ANKDD1A: variants seen among roughly 807,000 people sequenced by gnomAD.
The protein encoded by ANKDD1A is ankyrin repeat and death domain-containing protein 1A.
A neutral mutation model predicts 63.5 loss-of-function variants in ANKDD1A; 59 were observed. That is an observed-to-expected ratio of 0.93 (90% CI 0.75 to 1.15). The LOEUF is 1.15. Among genes scored for constraint, ANKDD1A ranks in the 50% most tolerant of loss-of-function variants. The probability of loss-of-function intolerance (pLI) is 0.00; values close to 1 mark genes in which losing one functional copy is unlikely to be tolerated. For missense variants in ANKDD1A, 632 were observed against 656.4 expected, an observed-to-expected ratio of 0.96 and a Z score of 0.41; for synonymous variants, 266 against 263.9, an observed-to-expected ratio of 1.01 and a Z score of -0.08.
chr15:64,926,165 G>T lies in ANKDD1A; in HGVS notation c.466G>T (p.Asp156Tyr). 4.3e-6 allele frequency: 7 copies of T among 1,613,772 alleles called. No individual in the cohort carries two copies. Among genetic ancestry groups the T allele is most frequent in the Non-Finnish European group, 5.9e-6 (7 of 1,179,896 alleles). ...DLEDVALDHV[D>Y]KLGRTAFHRA... ...GGAGGATGTGGCCCTGGACCACGTA[G>T]ACAAGGTGAGAGTGCCTCAGGGCTA... Residue 156 changes from aspartate to tyrosine, a missense_variant, in exon 5 of 15, where the codon GAC becomes TAC. Asp to Tyr is a radical substitution (Grantham distance 160, BLOSUM62 -3). Coordinates refer to ENST00000319580, the MANE Select transcript of ANKDD1A (RefSeq NM_182703.6).
intron 4 of ANKDD1A, among the ~76,000 whole-genome samples, chr15:64,924,306 C>T (rs2085029878): frequency 6.6e-6 from 1 of 152,238 alleles, no homozygotes; most frequent in African/African-American, 2.4e-5. Flanking sequence ...GGCAAGGGCT[C>T]TAGAGGCCAA....
At chr15:64,929,247 C>T (rs1051057545) in intron 6 of ANKDD1A, among the ~76,000 whole-genome samples, 4 of 152,176 alleles carry the variant, frequency 2.6e-5, no homozygotes, top group Non-Finnish European at 5.9e-5. Flanking sequence ...AATCACAGCT[C>T]ATTGCAGCCT....
chr15:64,930,591 C>T (rs890795570), intron 6 of ANKDD1A, among the ~76,000 whole-genome samples: 4 of 152,148 alleles, frequency 2.6e-5, no homozygotes, highest in East Asian at 1.9e-4. Flanking sequence ...CAGATGGGCA[C>T]GTGGAAAGTA....
At chr15:64,952,671 CTTCT>C (rs1469333454) in intron 14 of ANKDD1A, among the ~76,000 whole-genome samples, 1 of 144,200 alleles carries the variant, frequency 6.9e-6, no homozygotes, top group East Asian at 2.1e-4. Flanking sequence ...CCCCTTCTTC[CTTCT>C]TCTTCTTCCT....
intron 3 of ANKDD1A, among the ~76,000 whole-genome samples, chr15:64,918,885 C>T (rs188341716): frequency 2.0e-5 from 3 of 151,720 alleles, no homozygotes; most frequent in Admixed American, 6.6e-5. Flanking sequence ...ACCTGGGAGA[C>T]GGAGGTTGCC....
rs761661222 is a variant in ANKDD1A, at chr15:64,926,167, C to T, written c.468C>T (p.Asp156=). ...AGGATGTGGCCCTGGACCACGTAGA[C>T]AAGGTGAGAGTGCCTCAGGGCTACT... ...DLEDVALDHV[D]KLGRTAFHRA... Residue 156 remains aspartate (D), a synonymous_variant, in exon 5 of 15, where the codon GAC becomes GAT. Coordinates refer to ENST00000319580, the MANE Select transcript of ANKDD1A (RefSeq NM_182703.6). The T allele has an allele frequency of 5.6e-6, 9 of 1,613,726 alleles. No individual in the cohort carries two copies. The South Asian group carries it at 8.8e-5, about 16-fold the overall frequency.
intron 14 of ANKDD1A, 138 bp from the exon 15 acceptor site, chr15:64,956,965 T>C (rs1324058249): frequency 5.5e-6 from 2 of 361,366 alleles, no homozygotes. Context: ...AAGTTATATT[T>C]AATCAGCATT....
intron 14 of ANKDD1A, among the ~76,000 whole-genome samples, chr15:64,952,091 C>CCTT (rs2085297319): frequency 9.9e-6 from 1 of 100,688 alleles, no homozygotes; most frequent in Non-Finnish European, 2.0e-5. Flanking sequence ...TTCTTTTCTT[C>CCTT]CTCTTCTTCC....
intron 14 of ANKDD1A, among the ~76,000 whole-genome samples, chr15:64,954,405 CTCT>C (rs1410774136): frequency 7.6e-6 from 1 of 132,066 alleles, no homozygotes; most frequent in Non-Finnish European, 1.6e-5. Context: ...TTCTTCCTTC[CTCT>C]TCTTCCTCCT....
chr15:64,956,232 C>CTT (rs1326620566), intron 14 of ANKDD1A, among the ~76,000 whole-genome samples: 1,287 of 96,278 alleles, frequency 0.013, 26 homozygotes, highest in African/African-American at 0.038. Context: ...CTTTGGATTC[C>CTT]TTTTTTTTTT....
intron 3 of ANKDD1A, among the ~76,000 whole-genome samples, chr15:64,921,641 C>T (rs2085007341): frequency 6.6e-6 from 1 of 152,124 alleles, no homozygotes; most frequent in Admixed American, 6.5e-5. Flanking sequence ...TCCCAAAGTG[C>T]TGGGATTACA....
chr15:64,938,709 T>C (rs1020338545), intron 9 of ANKDD1A, among the ~76,000 whole-genome samples: 6 of 152,132 alleles, frequency 3.9e-5, no homozygotes, highest in South Asian at 2.1e-4. Flanking sequence ...CCCAGCACTT[T>C]GGGAGGCTGA....
rs28718213 is a variant in ANKDD1A at position 64,949,777 on chromosome 15, C to T, written c.1352-64C>T. 16,667 of 1,579,170 alleles carry T rather than the reference C, an allele frequency of 0.011. 1,469 individuals are homozygous for T. In the African/African-American group the frequency reaches 0.2, roughly 19 times the overall value. Reference sequence around the variant, plus strand: ...GGCGGTGCAGGGTGGCATAGACAGGCGCTCTGGTCAAGTGGCCCCATTGGC... The same window carrying T: ...GGCGGTGCAGGGTGGCATAGACAGGTGCTCTGGTCAAGTGGCCCCATTGGC... On this transcript the variant is annotated intron_variant, in intron 13 of 14. Transcript: ENST00000319580.
At chr15:64,947,792 T>C (rs2085235989) in intron 13 of ANKDD1A, among the ~76,000 whole-genome samples, 199 bp downstream of exon 13, 1 of 152,152 alleles carries the variant, frequency 6.6e-6, no homozygotes, top group Non-Finnish European at 1.5e-5. Flanking sequence ...CCCCATTGAT[T>C]GTGAATTTCA....
chr15:64,952,166 T>G (rs1036900279), intron 14 of ANKDD1A, among the ~76,000 whole-genome samples: 1 of 150,816 alleles, frequency 6.6e-6, no homozygotes, highest in Non-Finnish European at 1.5e-5. Flanking sequence ...TCTTCATCTT[T>G]TTCTTTCTTC....
At chr15:64,952,746 TTCCTCTTC>T (rs1181834838) in intron 14 of ANKDD1A, among the ~76,000 whole-genome samples, 6 of 90,862 alleles carry the variant, frequency 6.6e-5, no homozygotes, top group Admixed American at 1.4e-4. Context: ...TCCTCCTTCT[TTCCTCTTC>T]TCCTCCTCCT....
At chr15:64,954,026 TTTC>T (rs1243643963) in intron 14 of ANKDD1A, among the ~76,000 whole-genome samples, 6 of 134,012 alleles carry the variant, frequency 4.5e-5, no homozygotes, top group African/African-American at 1.2e-4. Flanking sequence ...TTCCTCTTCT[TTTC>T]TTTCTTCTTC....
chr15:64,942,069 C>A (rs1379304620), intron 9 of ANKDD1A, among the ~76,000 whole-genome samples: 1 of 152,110 alleles, frequency 6.6e-6, no homozygotes, highest in African/African-American at 2.4e-5. Flanking sequence ...AATAAGAACA[C>A]CATCCCTATA....
At position 64,915,880 on chromosome 15, in the gene ANKDD1A, A is replaced by G. The variant is rs1377602929; in HGVS notation, c.118A>G (p.Asn40Asp). Residue 40 changes from asparagine (N) to aspartate (D), a missense_variant, in exon 2 of 15, where the codon AAC becomes GAC. By Grantham distance (23) the Asn-to-Asp change is conservative. Transcript: ENST00000319580. ...RMQELIGRRV[N>D]TRARNHVGRV... ...GCAGGAGCTGATTGGGAGGAGGGTT[A>G]ACACCAGGGCCAGAAACCACGTGCG... 2.5e-6 allele frequency: 4 copies of G among 1,613,880 alleles called. 1 individual carries two copies. Among genetic ancestry groups the G allele is most frequent in the Non-Finnish European group, 3.4e-6 (4 of 1,179,880 alleles).
Sources: gnomAD v4.1 joint callset for allele counts (sites outside exome capture counted in the v4.1 genomes callset) on GRCh38, gnomAD v4.1.1 for gene constraint, MANE v1.5 for transcripts, NCBI Gene and HGNC (gene_info 2026-07-23, HGNC 2026-07-21) for gene names.